Variants in MALRD1 observed in about 807,000 individuals in gnomAD.
MALRD1 encodes MAM and LDL-receptor class A domain-containing protein 1.
A neutral mutation model predicts 242.1 loss-of-function variants in MALRD1; 247 were observed. That is an observed-to-expected ratio of 1.02 (90% CI 0.92 to 1.13). MALRD1 has a LOEUF of 1.13. MALRD1 is among the 50% of genes most tolerant of loss of function. MALRD1 has a pLI of 0.00. For synonymous variants in MALRD1, 995 were observed against 866.6 expected (o/e 1.15, Z -2.60); for missense variants, 2,989 against 2,533.1 (o/e 1.18, Z -3.86).
In MALRD1 at chr10:19,098,209, C is replaced by G. The variant is rs1039329053; in HGVS notation, c.598-5770C>G. Among the ~76,000 whole-genome samples, 61 of 152,270 alleles carry G rather than the reference C, an allele frequency of 4.0e-4. 1 individual carries two copies. The highest frequency in any genetic ancestry group is 4.0e-3 in the Admixed American group (61 of 15,284). On this transcript the variant is annotated intron_variant, in intron 4 of 39. Transcript: ENST00000454679. ...AAGGAATGAATACTATAGCTTACTA[C>G]TAAGTATATCACTGACTATAATTTT...
At chr10:19,594,090 A>G (rs921195530) in intron 33 of MALRD1, among the ~76,000 whole-genome samples, 7 of 152,196 alleles carry the variant, frequency 4.6e-5, no homozygotes, top group Admixed American at 1.3e-4. Context: ...GAGACAGTAA[A>G]TAAATGATAT....
intron 36 of MALRD1, among the ~76,000 whole-genome samples, chr10:19,689,218 A>T (rs1485168848): frequency 6.6e-6 from 1 of 151,986 alleles, no homozygotes; most frequent in African/African-American, 2.4e-5. Flanking sequence ...TACAAAACTG[A>T]TATATAGATA....
At chr10:19,170,257 A>G (rs1426315972) in intron 13 of MALRD1, among the ~76,000 whole-genome samples, 1 of 152,170 alleles carries the variant, frequency 6.6e-6, no homozygotes, top group Non-Finnish European at 1.5e-5. Context: ...CTCACTTGCT[A>G]TGTTCAGCTT....
intron 29 of MALRD1, among the ~76,000 whole-genome samples, chr10:19,464,221 C>T (rs1836104530): frequency 6.6e-6 from 1 of 152,012 alleles, no homozygotes; most frequent in African/African-American, 2.4e-5. Context: ...TAATTTAGTC[C>T]CACCTGTTTA....
intron 31 of MALRD1, among the ~76,000 whole-genome samples, chr10:19,527,883 A>C (rs1249089973): frequency 6.6e-6 from 1 of 152,196 alleles, no homozygotes; most frequent in Non-Finnish European, 1.5e-5. Flanking sequence ...CAAGTGTGTA[A>C]AAGGCAACAG....
intron 26 of MALRD1, among the ~76,000 whole-genome samples, chr10:19,361,985 C>G (rs1413573832): frequency 1.3e-5 from 2 of 152,004 alleles, no homozygotes; most frequent in Non-Finnish European, 2.9e-5. Flanking sequence ...CTTATAGGAC[C>G]CTTCCAGGCT....
chr10:19,393,660 G>A (rs1457297161), intron 28 of MALRD1, among the ~76,000 whole-genome samples: 3 of 144,802 alleles, frequency 2.1e-5, no homozygotes, highest in East Asian at 2.0e-4. Context: ...GTTTCACCAT[G>A]TTAGCCAGGA....
At chr10:19,183,615 G>A (rs140357041) in intron 14 of MALRD1, among the ~76,000 whole-genome samples, 1,645 of 152,010 alleles carry the variant, frequency 0.011, 24 homozygotes, top group African/African-American at 0.037. Flanking sequence ...GACTGATTAT[G>A]GCCTACTTCA....
intron 31 of MALRD1, among the ~76,000 whole-genome samples, chr10:19,527,587 G>T (rs570623785): frequency 6.6e-6 from 1 of 152,268 alleles, no homozygotes; most frequent in South Asian, 2.1e-4. Context: ...ATCTGCTTCT[G>T]AGATGGAAGT....
At chr10:19,390,508 A>C (rs1333649212) in intron 28 of MALRD1, among the ~76,000 whole-genome samples, 1 of 152,240 alleles carries the variant, frequency 6.6e-6, no homozygotes, top group Non-Finnish European at 1.5e-5. Flanking sequence ...GTAAATATTA[A>C]TATTAATGAG....
At chr10:19,086,643 T>C (rs1021511155) in intron 2 of MALRD1, among the ~76,000 whole-genome samples, 3 of 152,048 alleles carry the variant, frequency 2.0e-5, no homozygotes, top group South Asian at 2.1e-4. Context: ...AAAAGCACAG[T>C]GAGCAATGAT....
intron 36 of MALRD1, among the ~76,000 whole-genome samples, chr10:19,641,248 A>G (rs182338318): frequency 1.9e-4 from 29 of 152,294 alleles, no homozygotes; most frequent in Admixed American, 1.9e-3. Flanking sequence ...CTCAGATAAA[A>G]TAATCGAATA....
In MALRD1 at chr10:19,230,827, A is replaced by G. The variant is rs573556746; in HGVS notation, c.2991+21147A>G. ...GCAAAACACATGAAATGCAAGGCAA[A>G]TGCATTAAAAACTTTTGAGTGTTAA... On this transcript the variant is annotated intron_variant, in intron 18 of 39. Coordinates refer to ENST00000454679, the MANE Select transcript of MALRD1 (RefSeq NM_001142308.3). 2.6e-5 allele frequency among the ~76,000 whole-genome samples: 4 copies of G among 152,348 alleles called. 1 individual carries two copies. In the South Asian group the frequency reaches 8.3e-4, roughly 32 times the overall value.
At chr10:19,441,029 C>T (rs1385989125) in intron 28 of MALRD1, among the ~76,000 whole-genome samples, 4 of 152,032 alleles carry the variant, frequency 2.6e-5, no homozygotes, top group African/African-American at 4.8e-5. Context: ...TTTTAATGAT[C>T]TCCATTCTAA....
chr10:19,340,942 A>G (rs1025300718), intron 24 of MALRD1, among the ~76,000 whole-genome samples: 7 of 152,094 alleles, frequency 4.6e-5, no homozygotes, highest in Non-Finnish European at 7.4e-5. Context: ...GGTGATTCAT[A>G]TGTGTATTAA....
At chr10:19,730,409 T>C (rs913952050) in intron 38 of MALRD1, among the ~76,000 whole-genome samples, 1 of 152,208 alleles carries the variant, frequency 6.6e-6, no homozygotes, top group Non-Finnish European at 1.5e-5. Flanking sequence ...CACTGAGTAA[T>C]ATTTTAAGAA....
At chr10:19,397,153 A>G (rs1589019420) in intron 28 of MALRD1, among the ~76,000 whole-genome samples, 1 of 152,040 alleles carries the variant, frequency 6.6e-6, no homozygotes, top group African/African-American at 2.4e-5. Flanking sequence ...ATTATTTTTA[A>G]TTATATTCAC....
intron 11 of MALRD1, among the ~76,000 whole-genome samples, chr10:19,149,932 T>A (rs73591930): frequency 0.035 from 5,335 of 152,246 alleles, 286 homozygotes; most frequent in African/African-American, 0.12. Flanking sequence ...TGGAATCATA[T>A]CATATGTAGC....
intron 21 of MALRD1, among the ~76,000 whole-genome samples, chr10:19,315,013 ATATAAATATATAAATATAAT>A (rs1325746428): frequency 3.2e-4 from 47 of 144,926 alleles, no homozygotes; most frequent in South Asian, 1.5e-3. Context: ...TATATAATTT[ATATAAATATATAAATATAAT>A]TTATATAAAT....
Sources: gnomAD v4.1 joint callset for allele counts (sites outside exome capture counted in the v4.1 genomes callset) on GRCh38, gnomAD v4.1.1 for gene constraint, MANE v1.5 for transcripts, NCBI Gene and HGNC (gene_info 2026-07-23, HGNC 2026-07-21) for gene names.